Variants in P3H2 observed in about 807,000 individuals in gnomAD.
P3H2 encodes leprecan-like 1.
Under a neutral mutation model 87.0 loss-of-function variants are expected in P3H2, and 80 were observed. The observed-to-expected ratio is 0.92, with a 90% CI of 0.77 to 1.11. The LOEUF (loss-of-function observed/expected upper bound fraction) is 1.11, where lower values mean the gene tolerates loss of function less well. Ranked by LOEUF, P3H2 falls within the 50% of genes least tolerant of loss-of-function variation. The pLI, the probability that P3H2 is intolerant of heterozygous loss-of-function variation, is 0.00. For missense variants in P3H2, 1,001 were observed against 923.9 expected, an observed-to-expected ratio of 1.08 and a Z score of -1.08; for synonymous variants, 367 against 359.3, an observed-to-expected ratio of 1.02 and a Z score of -0.24.
chr3:190,034,386 G>C (rs542428631), intron 1 of P3H2, among the ~76,000 whole-genome samples: 1 of 152,138 alleles, frequency 6.6e-6, no homozygotes, highest in African/African-American at 2.4e-5. Flanking sequence ...CTCACTATTT[G>C]GACATTGAGT....
At chr3:190,053,941 A>C (rs192154084) in intron 1 of P3H2, among the ~76,000 whole-genome samples, 1 of 152,312 alleles carries the variant, frequency 6.6e-6, no homozygotes, top group South Asian at 2.1e-4. Context: ...ATAGGTCTAC[A>C]ATCTATTGAG....
At chr3:190,069,403 ATCT>A (rs1483430846) in intron 1 of P3H2, among the ~76,000 whole-genome samples, 4 of 152,292 alleles carry the variant, frequency 2.6e-5, no homozygotes, top group East Asian at 1.9e-4. Flanking sequence ...GTCCCTAGAA[ATCT>A]TCTTCTAGTC....
chr3:190,024,169 T>C (rs28481505), intron 1 of P3H2, among the ~76,000 whole-genome samples: 9,689 of 152,112 alleles, frequency 0.064, 433 homozygotes, highest in Non-Finnish European at 0.087. Flanking sequence ...TCTATCAGAG[T>C]ACACATGGTG....
chr3:190,120,235 G>A lies in P3H2; in HGVS notation c.480+17C>T, dbSNP rs1224661482. 2 of 1,606,954 alleles carry A rather than the reference G, an allele frequency of 1.2e-6. No homozygotes were observed. The highest frequency in any genetic ancestry group is 2.2e-5 in the East Asian group (1 of 44,750). ...GAGCCGCAGGGGCTTTGCAGTGGAG[G>A]AGCGCTCTGTGGGTACCTTGATGTA... is the stretch of plus-strand genomic sequence containing the variant. On this transcript the variant is annotated intron_variant, in intron 1 of 14. Transcript: ENST00000319332.
intron 1 of P3H2, among the ~76,000 whole-genome samples, chr3:190,038,714 C>G (rs2108952789): frequency 6.6e-6 from 1 of 152,234 alleles, no homozygotes; most frequent in South Asian, 2.1e-4. Context: ...ATCCCCAAGA[C>G]AAGCCAGAAA....
In P3H2 at chr3:189,988,929, G is replaced by A. The variant is rs1723790828; in HGVS notation, c.933C>T (p.Tyr311=). The A allele has an allele frequency of 6.2e-7, 1 of 1,614,108 alleles. No homozygotes were observed. Among genetic ancestry groups the A allele is most frequent in the East Asian group, 2.2e-5 (1 of 44,872 alleles). Residue 311 remains tyrosine (Y), a synonymous_variant, in exon 4 of 15, where the codon TAC becomes TAT. Coordinates refer to ENST00000319332, the MANE Select transcript of P3H2 (RefSeq NM_018192.4). ...TACCTCGATAGTAGGCAAACTGTAG[G>A]TAATCATAGTGCAGAGGAAGAAAAT... ...IENFLPLHYD[Y]LQFAYYRVGE...
At position 190,080,496 on chromosome 3, in the gene P3H2, G is replaced by A. The variant is rs112227949; in HGVS notation, c.480+39756C>T. ...GCTCACCGCAACCTCTGCCTCCCAG[G>A]TGCAAGTGATTCTCCTGCTTCAGCC... is the stretch of plus-strand genomic sequence containing the variant. On this transcript the variant is annotated intron_variant, in intron 1 of 14. Transcript: ENST00000319332. 6.3e-3 allele frequency among the ~76,000 whole-genome samples: 956 copies of A among 152,192 alleles called. 12 individuals carry two copies. The highest frequency in any genetic ancestry group is 0.022 in the African/African-American group (900 of 41,516).
At chr3:190,101,906 C>T (rs963522078) in intron 1 of P3H2, among the ~76,000 whole-genome samples, 1 of 152,182 alleles carries the variant, frequency 6.6e-6, no homozygotes, top group African/African-American at 2.4e-5. Flanking sequence ...CAGCTGGTGA[C>T]TTTAACTTGA....
rs572696277 is a variant in P3H2 at position 190,114,950 on chromosome 3, G to A, written c.480+5302C>T. Among the ~76,000 whole-genome samples, 269 of 152,326 alleles carry A rather than the reference G, an allele frequency of 1.8e-3. 2 individuals carry two copies. Among genetic ancestry groups the A allele is most frequent in the African/African-American group, 4.4e-3 (184 of 41,580 alleles). On this transcript the variant is annotated intron_variant, in intron 1 of 14. Coordinates refer to ENST00000319332, the MANE Select transcript of P3H2 (RefSeq NM_018192.4). Reference sequence around the variant, plus strand: ...CTAATAAGATCTATATGATGCACTTGTCTGGGTTTTCAATTTCATTTTAAG... The same window carrying A: ...CTAATAAGATCTATATGATGCACTTATCTGGGTTTTCAATTTCATTTTAAG...
intron 8 of P3H2, among the ~76,000 whole-genome samples, chr3:189,981,505 C>T (rs1259831736): frequency 6.6e-6 from 1 of 151,840 alleles, no homozygotes; most frequent in Admixed American, 6.6e-5. Context: ...TTTTTTTTTC[C>T]TTCAGACCAG....
At chr3:190,060,655 C>T (rs1315532587) in intron 1 of P3H2, among the ~76,000 whole-genome samples, 2 of 152,098 alleles carry the variant, frequency 1.3e-5, no homozygotes, top group Admixed American at 1.3e-4. Flanking sequence ...TCTACTTACT[C>T]GAATGAAGTG....
intron 1 of P3H2, among the ~76,000 whole-genome samples, chr3:190,111,304 G>A (rs1236719922): frequency 6.6e-6 from 1 of 151,920 alleles, no homozygotes; most frequent in Non-Finnish European, 1.5e-5. Context: ...TGTTTTCACC[G>A]GGGCCTTACA....
chr3:190,034,663 A>C (rs1341400788), intron 1 of P3H2, among the ~76,000 whole-genome samples: 1 of 152,036 alleles, frequency 6.6e-6, no homozygotes, highest in East Asian at 1.9e-4. Context: ...GCATGAGGGA[A>C]TTTTGGGTGG....
intron 1 of P3H2, among the ~76,000 whole-genome samples, chr3:190,031,637 G>A (rs1423185635): frequency 5.4e-5 from 8 of 148,966 alleles, no homozygotes; most frequent in Non-Finnish European, 7.4e-5. Flanking sequence ...ACTCCATGTC[G>A]AAAAAAAAAA....
At chr3:190,063,253 G>A (rs1228152687) in intron 1 of P3H2, among the ~76,000 whole-genome samples, 1 of 152,070 alleles carries the variant, frequency 6.6e-6, no homozygotes, top group Non-Finnish European at 1.5e-5. Context: ...CAAGGGCTGT[G>A]GATTATTTAA....
At chr3:190,074,913 G>A (rs928758822) in intron 1 of P3H2, among the ~76,000 whole-genome samples, 5 of 152,130 alleles carry the variant, frequency 3.3e-5, no homozygotes, top group Non-Finnish European at 5.9e-5. Context: ...TTCAGTCTAC[G>A]ATCACTTCTT....
At chr3:189,972,347 A>G (rs985537341) in intron 11 of P3H2, among the ~76,000 whole-genome samples, 1 of 152,238 alleles carries the variant, frequency 6.6e-6, no homozygotes, top group African/African-American at 2.4e-5. Flanking sequence ...TTTTAAAAAA[A>G]CAAGATTTAA....
chr3:190,084,380 C>T (rs1727145177), intron 1 of P3H2, among the ~76,000 whole-genome samples: 1 of 152,168 alleles, frequency 6.6e-6, no homozygotes, highest in African/African-American at 2.4e-5. Context: ...TTAAGTAGCA[C>T]ACTAATAGCA....
chr3:189,964,161 G>A (rs1402137403), intron 13 of P3H2, 63 bp from the exon 14 acceptor site: 1 of 1,440,762 alleles, frequency 6.9e-7, no homozygotes, highest in Non-Finnish European at 9.8e-7. Context: ...CACAACTCCT[G>A]CTTCTCTGGC....
Sources: allele counts gnomAD v4.1 joint callset (sites outside exome capture counted in the v4.1 genomes callset), GRCh38; gene constraint gnomAD v4.1.1; transcripts MANE v1.5; gene names NCBI Gene and HGNC (gene_info 2026-07-23, HGNC 2026-07-21).